Variants in ZNF280D observed in about 807,000 individuals in gnomAD.
The protein encoded by ZNF280D is suppressor of hairy wing homolog 4.
Under a neutral mutation model 94.7 loss-of-function variants are expected in ZNF280D, and 39 were observed. The ratio of observed to expected loss-of-function variants is 0.41; its 90% confidence interval spans 0.32 to 0.54. The LOEUF (loss-of-function observed/expected upper bound fraction) is 0.54, where lower values mean the gene tolerates loss of function less well. Ranked by LOEUF, ZNF280D falls within the 20% of genes least tolerant of loss-of-function variation. The probability of loss-of-function intolerance (pLI) is 0.22; values close to 1 mark genes in which losing one functional copy is unlikely to be tolerated. For missense variants in ZNF280D, 1,090 were observed against 1,149.3 expected, an observed-to-expected ratio of 0.95 and a Z score of 0.75; for synonymous variants, 398 against 377.6, an observed-to-expected ratio of 1.05 and a Z score of -0.63.
At chr15:56,657,673 T>C (rs2053636623) in intron 17 of ZNF280D, among the ~76,000 whole-genome samples, 1 of 152,176 alleles carries the variant, frequency 6.6e-6, no homozygotes, top group Non-Finnish European at 1.5e-5. Flanking sequence ...CACAATGAGA[T>C]ACCACTTTAT....
At chr15:56,699,477 A>C (rs2056933501) in intron 6 of ZNF280D, 1 of 861,392 alleles carries the variant, frequency 1.2e-6, no homozygotes, top group South Asian at 5.4e-5. Flanking sequence ...TACCCAGTTC[A>C]AACTGTGGAA....
intron 14 of ZNF280D, among the ~76,000 whole-genome samples, chr15:56,667,681 C>A (rs770754715): frequency 6.6e-6 from 1 of 152,128 alleles, no homozygotes; most frequent in Non-Finnish European, 1.5e-5. Flanking sequence ...ATTTGAGGAA[C>A]AGTCAATAAG....
At chr15:56,700,165 T>A (rs760308234) in intron 6 of ZNF280D, 2 of 978,132 alleles carry the variant, frequency 2.0e-6, no homozygotes, top group Non-Finnish European at 2.4e-6. Flanking sequence ...AATTCTTTCA[T>A]GTCTAAAAAA....
At chr15:56,642,552 A>G (rs751949351) in intron 20 of ZNF280D, among the ~76,000 whole-genome samples, 6 of 151,806 alleles carry the variant, frequency 4.0e-5, no homozygotes, top group Non-Finnish European at 7.4e-5. Flanking sequence ...CATCCAAAAT[A>G]TTTCTATTTT....
chr15:56,681,014 T>C (rs1391958182), intron 10 of ZNF280D, among the ~76,000 whole-genome samples: 3 of 152,212 alleles, frequency 2.0e-5, no homozygotes, highest in Admixed American at 6.5e-5. Context: ...CTTTCCCTTT[T>C]GTTAAACTAC....
chr15:56,631,758 C>G lies in ZNF280D; in HGVS notation c.2680G>C (p.Asp894His), dbSNP rs985102494. 10 of 1,614,048 alleles carry G rather than the reference C, an allele frequency of 6.2e-6. No individual in the cohort carries two copies. In the Admixed American group the frequency reaches 1.5e-4, roughly 24 times the overall value. Residue 894 changes from aspartate to histidine, a missense_variant, in exon 22 of 22, where the codon GAT becomes CAT. By Grantham distance (81) the Asp-to-His change is moderately conservative. This residue lies in a region of ZNF280D where 577 missense variants were observed against 568.8 expected (regional missense o/e 1.01). Coordinates refer to ENST00000267807, the MANE Select transcript of ZNF280D (RefSeq NM_017661.4). ...TCATGTCTTTTTCTCAAAAACTGAT[C>G]AATGCTTACATTATCTGATGCTAAT... ...LRLASDNVSI[D>H]QFLRKRHEPE...
intron 3 of ZNF280D, among the ~76,000 whole-genome samples, chr15:56,706,751 AG>A (rs2057426483): frequency 6.6e-6 from 1 of 152,148 alleles, no homozygotes; most frequent in African/African-American, 2.4e-5. Flanking sequence ...TAATATACCC[AG>A]GACATATTTT....
chr15:56,713,539 G>C (rs1309164874), intron 1 of ZNF280D, among the ~76,000 whole-genome samples: 12 of 151,980 alleles, frequency 7.9e-5, no homozygotes, highest in African/African-American at 2.9e-4. Context: ...CAATTCTTTA[G>C]TCTTTATGTC....
intron 13 of ZNF280D, among the ~76,000 whole-genome samples, chr15:56,669,173 A>C (rs2054505952): frequency 6.6e-6 from 1 of 152,076 alleles, no homozygotes. Context: ...TAAGAACTGT[A>C]CATGAAAGTT....
At chr15:56,731,506 CAAAAAAAAAA>C (rs752976383) in intron 1 of ZNF280D, among the ~76,000 whole-genome samples, 1,173 of 80,880 alleles carry the variant, frequency 0.015, 21 homozygotes, top group African/African-American at 0.055. Flanking sequence ...GTACCTATCT[CAAAAAAAAAA>C]AAAAAAAAAA....
chr15:56,709,134 T>C (rs2057599944), intron 1 of ZNF280D, among the ~76,000 whole-genome samples: 1 of 152,092 alleles, frequency 6.6e-6, no homozygotes, highest in Non-Finnish European at 1.5e-5. Context: ...ATATCCAGAA[T>C]CTACAAAGAA....
At chr15:56,664,808 T>C (rs1413971409) in intron 16 of ZNF280D, among the ~76,000 whole-genome samples, 1 of 151,942 alleles carries the variant, frequency 6.6e-6, no homozygotes, top group Non-Finnish European at 1.5e-5. Context: ...AGAGAAGAGG[T>C]TCAAATCTTA....
At position 56,666,728 on chromosome 15, in the gene ZNF280D, C is replaced by A; in HGVS notation, c.1804G>T (p.Ala602Ser). The A allele has an allele frequency of 6.2e-7, 1 of 1,612,946 alleles. No homozygotes were observed. Among genetic ancestry groups the A allele is most frequent in the Non-Finnish European group, 8.5e-7 (1 of 1,179,654 alleles). The change falls in exon 15 of 22, where the codon GCT becomes TCT. Residue 602 changes from alanine (A) to serine (S), a missense_variant. Transcript: ENST00000267807. ...SNMQKKQSTL[A>S]SSNKKSKVNT... ...ACTTTACTTTTTTTATTGCTACTAGCCAATGTGCTTTGTTTCTTTTGCATA... is the reference window on the plus strand; with the variant it reads ...ACTTTACTTTTTTTATTGCTACTAGACAATGTGCTTTGTTTCTTTTGCATA...
intron 9 of ZNF280D, among the ~76,000 whole-genome samples, chr15:56,686,336 A>T (rs1480040678): frequency 6.6e-6 from 1 of 152,082 alleles, no homozygotes; most frequent in Non-Finnish European, 1.5e-5. Flanking sequence ...ATGGGGTTTC[A>T]CTATGTTGGC....
chr15:56,707,323 C>T lies in ZNF280D; in HGVS notation c.-85-17G>A, dbSNP rs1415315943. ...TTTTCCTTCCTATAAAATAAAGATA[C>T]CAACTATTAGGGTGGACTTCATTAA... On this transcript the variant is annotated splice_polypyrimidine_tract_variant and intron_variant, in intron 1 of 21. Coordinates refer to ENST00000267807, the MANE Select transcript of ZNF280D (RefSeq NM_017661.4). The T allele has an allele frequency of 6.6e-7, 1 of 1,519,960 alleles. No homozygotes were observed. Among genetic ancestry groups the T allele is most frequent in the East Asian group, 2.5e-5 (1 of 39,572 alleles). The allele number at this position is 1,519,960 out of a possible 1,614,324, so 94.2% of individuals were successfully genotyped here. A position where few individuals can be genotyped will look rare whatever the true frequency, so the allele number is the denominator to read the frequency against.
At chr15:56,732,811 G>A (rs532236975) in intron 1 of ZNF280D, 4 of 152,342 alleles carry the variant, frequency 2.6e-5, no homozygotes, top group Non-Finnish European at 5.9e-5. Context: ...GTCTCAGTAA[G>A]TGAACCTTGC....
At chr15:56,680,644 C>T in intron 10 of ZNF280D, among the ~76,000 whole-genome samples, 1 of 136,546 alleles carries the variant, frequency 7.3e-6, no homozygotes. Flanking sequence ...GCCCGGCAAA[C>T]TTTTGTATTT....
At chr15:56,682,645 A>C (rs758333745) in intron 9 of ZNF280D, among the ~76,000 whole-genome samples, 168 bp from the exon 10 acceptor site, 1 of 152,070 alleles carries the variant, frequency 6.6e-6, no homozygotes, top group Non-Finnish European at 1.5e-5. Flanking sequence ...TACATAGTCT[A>C]AAAATTCAAA....
chr15:56,706,857 T>C (rs1163128793), intron 3 of ZNF280D, among the ~76,000 whole-genome samples: 4 of 152,198 alleles, frequency 2.6e-5, no homozygotes, highest in African/African-American at 4.8e-5. Flanking sequence ...TATGATTATA[T>C]GTACCAAATT....
Sources: allele counts gnomAD v4.1 joint callset (sites outside exome capture counted in the v4.1 genomes callset), GRCh38; gene constraint gnomAD v4.1.1; regional missense constraint gnomAD v4.1.1; transcripts MANE v1.5; gene names NCBI Gene and HGNC (gene_info 2026-07-23, HGNC 2026-07-21).